Variants in CACNA2D3 observed in about 807,000 individuals in gnomAD.
CACNA2D3 encodes voltage-dependent calcium channel subunit alpha-2/delta-3.
Under a neutral mutation model 160.6 loss-of-function variants are expected in CACNA2D3, and 60 were observed. That is an observed-to-expected ratio of 0.37 (90% CI 0.30 to 0.46). The LOEUF is 0.46. Among genes scored for constraint, CACNA2D3 ranks in the 20% least tolerant of loss-of-function variants. The probability of loss-of-function intolerance (pLI) is 1.00; values close to 1 mark genes in which losing one functional copy is unlikely to be tolerated. For missense variants in CACNA2D3, 1,205 were observed against 1,365.0 expected (o/e 0.88, Z 1.85); for synonymous variants, 558 against 492.9 (o/e 1.13, Z -1.75).
At chr3:54,883,198 A>G (rs1186588565) in intron 21 of CACNA2D3, among the ~76,000 whole-genome samples, 1 of 151,930 alleles carries the variant, frequency 6.6e-6, no homozygotes, top group Non-Finnish European at 1.5e-5. Flanking sequence ...TAATTTTTGT[A>G]TTTTTAGTAG....
intron 13 of CACNA2D3, among the ~76,000 whole-genome samples, chr3:54,773,117 A>G (rs1241191524): frequency 1.3e-5 from 2 of 152,220 alleles, no homozygotes; most frequent in African/African-American, 2.4e-5. Flanking sequence ...TTGCATTTGC[A>G]AATTGGACCT....
At chr3:54,784,720 G>A (rs1702601287) in intron 13 of CACNA2D3, among the ~76,000 whole-genome samples, 1 of 152,214 alleles carries the variant, frequency 6.6e-6, no homozygotes. Flanking sequence ...CAAATGAAAA[G>A]AGCAAGTTTG....
rs61163409 is a variant in CACNA2D3 at position 54,763,858 on chromosome 3, C to CAT, written c.1247-350_1247-349dup. ...ATGTATATATATGTACATATATATA[C>CAT]ATATATATATACGTATATATATGTA... is the stretch of plus-strand genomic sequence containing the variant. On this transcript the variant is annotated intron_variant, in intron 12 of 37. Transcript: ENST00000474759. Among the ~76,000 whole-genome samples, 11 of 43,012 alleles carry CAT rather than the reference C, an allele frequency of 2.6e-4. 2 individuals carry two copies. Among genetic ancestry groups the CAT allele is most frequent in the African/African-American group, 9.1e-4 (8 of 8,818 alleles). The allele number at this position is 43,012 out of a possible 152,430, so 28.2% of individuals were successfully genotyped here.
chr3:55,052,402 C>CTA (rs1005920179), intron 35 of CACNA2D3, among the ~76,000 whole-genome samples: 4 of 150,540 alleles, frequency 2.7e-5, no homozygotes, highest in Admixed American at 2.0e-4. Context: ...TACATATATT[C>CTA]TATATATATG....
intron 2 of CACNA2D3, among the ~76,000 whole-genome samples, chr3:54,282,858 T>G (rs1702914580): frequency 1.3e-5 from 2 of 152,140 alleles, no homozygotes; most frequent in South Asian, 2.1e-4. Context: ...TTTGTTTTTT[T>G]TTTTGTCATC....
At chr3:54,228,622 A>G (rs1701715636) in intron 2 of CACNA2D3, among the ~76,000 whole-genome samples, 2 of 152,236 alleles carry the variant, frequency 1.3e-5, no homozygotes, top group Admixed American at 6.5e-5. Flanking sequence ...CAGAACCCTG[A>G]GAACAAGGAC....
At chr3:54,719,952 T>G (rs1036751110) in intron 11 of CACNA2D3, among the ~76,000 whole-genome samples, 4 of 151,994 alleles carry the variant, frequency 2.6e-5, no homozygotes, top group Non-Finnish European at 4.4e-5. Context: ...AAAGTCCCCT[T>G]ATTTCCTTTT....
At chr3:54,653,399 T>C (rs568601806) in intron 11 of CACNA2D3, among the ~76,000 whole-genome samples, 136 of 152,286 alleles carry the variant, frequency 8.9e-4, no homozygotes, top group African/African-American at 3.1e-3. Context: ...TGAAGTCACA[T>C]TTGGTCCAAA....
At chr3:54,912,129 T>C (rs1700568454) in intron 27 of CACNA2D3, among the ~76,000 whole-genome samples, 1 of 152,194 alleles carries the variant, frequency 6.6e-6, no homozygotes. Context: ...AGACCTCTCT[T>C]ACCTCCTTGC....
intron 9 of CACNA2D3, among the ~76,000 whole-genome samples, chr3:54,596,506 C>T (rs1236022939): frequency 3.9e-5 from 6 of 152,270 alleles, no homozygotes; most frequent in Middle Eastern, 3.4e-3. Flanking sequence ...TGGGCTCTCA[C>T]GGACTAGTTA....
intron 2 of CACNA2D3, among the ~76,000 whole-genome samples, chr3:54,140,760 A>G (rs1699910049): frequency 6.6e-6 from 1 of 152,194 alleles, no homozygotes; most frequent in South Asian, 2.1e-4. Context: ...TCCCTAGAGC[A>G]AGACCTTTGT....
chr3:54,963,727 G>A (rs1412047588), intron 27 of CACNA2D3, among the ~76,000 whole-genome samples: 2 of 152,074 alleles, frequency 1.3e-5, no homozygotes, highest in African/African-American at 2.4e-5. Context: ...ATCTCTCTTC[G>A]GTGATTTGAC....
chr3:54,821,635 T>C (rs1471977432), intron 14 of CACNA2D3, among the ~76,000 whole-genome samples: 1 of 147,604 alleles, frequency 6.8e-6, no homozygotes, highest in Non-Finnish European at 1.5e-5. Context: ...TTTTCTAGAG[T>C]CTTTCGTTCT....
chr3:54,558,891 T>C (rs1702280763), intron 5 of CACNA2D3, among the ~76,000 whole-genome samples: 1 of 152,180 alleles, frequency 6.6e-6, no homozygotes, highest in South Asian at 2.1e-4. Flanking sequence ...AAGTACCTCA[T>C]ATCCTGGTGC....
intron 9 of CACNA2D3, among the ~76,000 whole-genome samples, chr3:54,621,673 C>T (rs1433467549): frequency 6.6e-6 from 1 of 152,172 alleles, no homozygotes; most frequent in East Asian, 1.9e-4. Flanking sequence ...GATCTGGAGC[C>T]TTCTGTTCTG....
At chr3:54,350,162 T>C (rs895376535) in intron 3 of CACNA2D3, among the ~76,000 whole-genome samples, 6 of 152,236 alleles carry the variant, frequency 3.9e-5, no homozygotes, top group Admixed American at 1.3e-4. Context: ...GTGAGGGCAT[T>C]TGAATGGAGA....
chr3:54,983,642 C>T (rs990397121), intron 29 of CACNA2D3, among the ~76,000 whole-genome samples: 2 of 152,180 alleles, frequency 1.3e-5, no homozygotes, highest in Non-Finnish European at 2.9e-5. Flanking sequence ...TAATAAAGGA[C>T]GGACCATTCT....
chr3:54,340,250 T>C (rs1315457851), intron 3 of CACNA2D3, among the ~76,000 whole-genome samples: 1 of 152,128 alleles, frequency 6.6e-6, no homozygotes, highest in Non-Finnish European at 1.5e-5. Flanking sequence ...TGAAACAAAT[T>C]TGCCACACAA....
intron 11 of CACNA2D3, among the ~76,000 whole-genome samples, chr3:54,722,282 A>G (rs566758572): frequency 1.3e-5 from 2 of 152,154 alleles, no homozygotes; most frequent in African/African-American, 4.8e-5. Flanking sequence ...TGTTCTCTAC[A>G]CTGGTTATTC....
Sources: gnomAD v4.1 joint callset for allele counts (sites outside exome capture counted in the v4.1 genomes callset) on GRCh38, gnomAD v4.1.1 for gene constraint, MANE v1.5 for transcripts, NCBI Gene and HGNC (gene_info 2026-07-23, HGNC 2026-07-21) for gene names.